Variants in SIN3A observed in about 807,000 individuals in gnomAD.
The protein encoded by SIN3A is SIN3 transcription regulator family member A.
Under a neutral mutation model 146.1 loss-of-function variants are expected in SIN3A, and 14 were observed. That is an observed-to-expected ratio of 0.10 (90% CI 0.06 to 0.15). The LOEUF is 0.15. SIN3A is among the 10% of genes least tolerant of loss of function. The probability of loss-of-function intolerance (pLI) is 1.00; values close to 1 mark genes in which losing one functional copy is unlikely to be tolerated. For synonymous variants in SIN3A, 572 were observed against 572.0 expected (o/e 1.00, Z 0.00); for missense variants, 1,028 against 1,576.0 (o/e 0.65, Z 5.89).
chr15:75,394,800 T>C lies in SIN3A; in HGVS notation c.2157A>G (p.Glu719=). 1 of 1,614,166 alleles carries C rather than the reference T, an allele frequency of 6.2e-7. No individual in the cohort carries two copies. The highest frequency in any genetic ancestry group is 8.5e-7 in the Non-Finnish European group (1 of 1,180,002). Residue 719 remains glutamate (E), a synonymous_variant, in exon 14 of 21, where the codon GAA becomes GAG. Transcript: ENST00000394947. ...ACTTCAAGTAGTATTTCTCATTTTG[T>C]TCTCGCCATACTTTGTTAAAGCCTC... The part of the protein sequence containing the change: ...AQRGFNKVWR[E]QNEKYYLKSL...
intron 16 of SIN3A, among the ~76,000 whole-genome samples, chr15:75,387,359 T>C (rs370061893): frequency 1.3e-5 from 2 of 152,066 alleles, no homozygotes; most frequent in East Asian, 3.9e-4. Context: ...ACTCCATCTC[T>C]ACAAAAAATA....
rs1331931061 is a variant in SIN3A, at chr15:75,384,369, A to G, written c.3090T>C (p.Asn1030=). Residue 1030 remains asparagine, a synonymous_variant, in exon 17 of 21, where the codon AAT becomes AAC. Transcript: ENST00000394947. ...VTDLYLAENN[N]GATGGQLNTQ... ...TGTTCAGCTGGCCTCCGGTGGCCCCATTATTATTTTCTGCCAGGTAAAGGT... is the reference window on the plus strand; with the variant it reads ...TGTTCAGCTGGCCTCCGGTGGCCCCGTTATTATTTTCTGCCAGGTAAAGGT... 6.2e-7 allele frequency: 1 copy of G among 1,613,554 alleles called. No individual in the cohort carries two copies. The highest frequency in any genetic ancestry group is 8.5e-7 in the Non-Finnish European group (1 of 1,179,580).
intron 3 of SIN3A, chr15:75,419,541 C>T (rs909683209): frequency 3.9e-5 from 6 of 151,950 alleles, no homozygotes; most frequent in African/African-American, 9.7e-5. Context: ...AGTTATAGGC[C>T]AGGTGTGGTG....
chr15:75,431,421 A>C (rs1164215413), intron 1 of SIN3A, among the ~76,000 whole-genome samples: 3 of 152,120 alleles, frequency 2.0e-5, no homozygotes, highest in Admixed American at 2.0e-4. Context: ...TTGGCCCAGT[A>C]ATCTACTTGG....
rs1381670076 is a variant in SIN3A at position 75,394,842 on chromosome 15, T to C, written c.2115A>G (p.Glu705=). The part of the protein sequence containing the change: ...VLKRLKMKEE[E]WREAQRGFNK... Reference sequence around the variant, plus strand: ...TAAAGCCTCTCTGAGCTTCTCGCCATTCTTCCTCTTTCATCTTCAACCTAG... The same window carrying C: ...TAAAGCCTCTCTGAGCTTCTCGCCACTCTTCCTCTTTCATCTTCAACCTAG... Residue 705 remains glutamate (E), a synonymous_variant, in exon 14 of 21, where the codon GAA becomes GAG. Coordinates refer to ENST00000394947, the MANE Select transcript of SIN3A (RefSeq NM_001145358.2). 6.2e-7 allele frequency: 1 copy of C among 1,613,696 alleles called. No homozygotes were observed. The highest frequency in any genetic ancestry group is 1.1e-5 in the South Asian group (1 of 90,994).
rs762956770 is a variant in SIN3A at position 75,392,749 on chromosome 15, C to T, written c.2344G>A (p.Glu782Lys). The T allele has an allele frequency of 8.1e-6, 13 of 1,614,052 alleles. No individual in the cohort carries two copies. The highest frequency in any genetic ancestry group is 1.1e-5 in the Non-Finnish European group (13 of 1,180,042). Residue 782 changes from glutamate (E) to lysine (K), a missense_variant, in exon 15 of 21, where the codon GAA becomes AAA. Glu to Lys is a moderately conservative substitution (Grantham distance 56). Transcript: ENST00000394947. ...PVGPHLSLAYEDKQILEDAAA... is the reference protein window; with the variant it reads ...PVGPHLSLAYKDKQILEDAAA... ...GCATCTTCCAGTATTTGTTTGTCTT[C>T]ATACGCAAGTGAGAGGTGTGGGCCA...
At chr15:75,411,200 A>C (rs7165469) in intron 6 of SIN3A, among the ~76,000 whole-genome samples, 85,285 of 151,818 alleles carry the variant, frequency 0.56, 24,708 homozygotes, top group African/African-American at 0.71. Flanking sequence ...TGGTGGGCGG[A>C]GCCTGTAATC....
intron 7 of SIN3A, 37 bp from the exon 8 acceptor site, chr15:75,410,028 C>G (rs746694485): frequency 1.9e-5 from 30 of 1,609,276 alleles, no homozygotes; most frequent in South Asian, 1.3e-4. Context: ...ATGCTCTTAT[C>G]AAAGCAAACA....
At chr15:75,432,336 G>C (rs754334196) in intron 1 of SIN3A, among the ~76,000 whole-genome samples, 1 of 152,034 alleles carries the variant, frequency 6.6e-6, no homozygotes, top group Admixed American at 6.6e-5. Context: ...GGGTTCTGTT[G>C]GTTTAAAACT....
intron 2 of SIN3A, among the ~76,000 whole-genome samples, chr15:75,429,018 G>C (rs1304040229): frequency 6.6e-6 from 1 of 152,042 alleles, no homozygotes; most frequent in African/African-American, 2.4e-5. Context: ...ATTATTTTAA[G>C]AATATAGTAT....
chr15:75,417,885 G>A (rs1256162825), intron 3 of SIN3A, among the ~76,000 whole-genome samples: 1 of 152,182 alleles, frequency 6.6e-6, no homozygotes, highest in African/African-American at 2.4e-5. Flanking sequence ...AAGGGCTGGA[G>A]TGAACCAGTG....
chr15:75,429,041 C>T (rs1372470724), intron 2 of SIN3A, among the ~76,000 whole-genome samples: 1 of 152,088 alleles, frequency 6.6e-6, no homozygotes, highest in Admixed American at 6.6e-5. Context: ...GACAAATATA[C>T]AAAATACATG....
At chr15:75,408,144 A>G (rs1414348421) in intron 8 of SIN3A, among the ~76,000 whole-genome samples, 1 of 152,146 alleles carries the variant, frequency 6.6e-6, no homozygotes, top group Non-Finnish European at 1.5e-5. Flanking sequence ...GCCTATGGAG[A>G]AAGTAGGCGG....
intron 1 of SIN3A, 91 bp from the exon 2 acceptor site, chr15:75,430,499 G>T: frequency 2.1e-6 from 2 of 959,942 alleles, no homozygotes; most frequent in Non-Finnish European, 3.0e-6. Context: ...TTTAGTAAAA[G>T]CTTGACTCCC....
rs374599694 is a variant in SIN3A at position 75,442,617 on chromosome 15, TAAAA to T, written c.-34+8802_-34+8805del. ...AACATAGTGAGATAGATCCCATCTTTAAAAAAAAAAAAAAAAAAAAAAAAATTCA... is the reference window on the plus strand; with the variant it reads ...AACATAGTGAGATAGATCCCATCTTTAAAAAAAAAAAAAAAAAAAAATTCA... On this transcript the variant is annotated intron_variant, in intron 1 of 20. Transcript: ENST00000394947. Among the ~76,000 whole-genome samples the T allele has an allele frequency of 1.6e-3, 193 of 123,078 alleles. 1 individual carries two copies. The highest frequency in any genetic ancestry group is 7.9e-3 in the Middle Eastern group (2 of 254). 80.7% of individuals were successfully genotyped at this position (123,078 alleles called of 152,430 possible). A position where few individuals can be genotyped will look rare whatever the true frequency, so the allele number is the denominator to read the frequency against.
chr15:75,377,687 C>A (rs1005214206), intron 19 of SIN3A, among the ~76,000 whole-genome samples: 1 of 151,670 alleles, frequency 6.6e-6, no homozygotes, highest in African/African-American at 2.4e-5. Context: ...TAAATCCCAA[C>A]CCCTCAATTT....
At chr15:75,401,319 G>C (rs186400086) in intron 10 of SIN3A, among the ~76,000 whole-genome samples, 1 of 152,246 alleles carries the variant, frequency 6.6e-6, no homozygotes, top group Non-Finnish European at 1.5e-5. Flanking sequence ...CCTGAGGTCA[G>C]GAGTTCTGGA....
intron 16 of SIN3A, among the ~76,000 whole-genome samples, chr15:75,388,053 T>C (rs2073125672): frequency 6.6e-6 from 1 of 152,196 alleles, no homozygotes; most frequent in African/African-American, 2.4e-5. Flanking sequence ...GCATGCACCC[T>C]TCCAAAACCA....
chr15:75,396,389 G>A lies in SIN3A; in HGVS notation c.1962C>T (p.Asp654=), dbSNP rs536926658. 2 of 1,614,180 alleles carry A rather than the reference G, an allele frequency of 1.2e-6. No homozygotes were observed. Among genetic ancestry groups the A allele is most frequent in the South Asian group, 1.1e-5 (1 of 91,074 alleles). Residue 654 remains aspartate (D), a synonymous_variant, in exon 13 of 21, where the codon GAC becomes GAT. Transcript: ENST00000394947. ...SAEEQAKFRL[D]NTLGGTSEVI... is the part of the protein sequence containing the mutation. ...CTTCTGATGTGCCCCCAAGGGTGTT[G>A]TCCAAGCGAAATTTGGCTTGTTCTT...
Sources: allele counts gnomAD v4.1 joint callset (sites outside exome capture counted in the v4.1 genomes callset), GRCh38; gene constraint gnomAD v4.1.1; transcripts MANE v1.5; gene names NCBI Gene and HGNC (gene_info 2026-07-23, HGNC 2026-07-21).